Variants in SAMD5 observed in about 807,000 individuals in gnomAD.
SAMD5 encodes the protein sterile alpha motif domain-containing protein 5.
In SAMD5, 13 loss-of-function variants were observed where a neutral mutation model predicts 11.3. The observed-to-expected ratio is 1.15, with a 90% CI of 0.75 to 1.83. SAMD5 has a LOEUF of 1.83. Among genes scored for constraint, SAMD5 ranks in the 40% most tolerant of loss-of-function variants. SAMD5 has a pLI of 0.00. For missense variants in SAMD5, 255 were observed against 239.1 expected (o/e 1.07, Z -0.44); for synonymous variants, 129 against 111.3 (o/e 1.16, Z -1.00).
At chr6:147,954,583 C>A in the SAMD5 span, among the ~76,000 whole-genome samples, 4 of 152,046 alleles carry the variant, frequency 2.6e-5, no homozygotes, top group Admixed American at 1.3e-4. Context: ...AAAGTAACTT[C>A]CAGTCCTGCT....
At chr6:147,803,869 A>C in the SAMD5 span, among the ~76,000 whole-genome samples, 10 of 152,072 alleles carry the variant, frequency 6.6e-5, no homozygotes. Context: ...TCCACCCTCC[A>C]TCCACAGCCA....
intron 1 of SAMD5, among the ~76,000 whole-genome samples, chr6:147,527,310 TTGGTGGAAGGCAAAG>T (rs1788357925): frequency 6.6e-6 from 1 of 152,150 alleles, no homozygotes; most frequent in African/African-American, 2.4e-5. Flanking sequence ...GCTTTTACTC[TTGGTGGAAGGCAAAG>T]TGGTGATCCA....
At chr6:147,849,553 C>G in the SAMD5 span, among the ~76,000 whole-genome samples, 1 of 152,058 alleles carries the variant, frequency 6.6e-6, no homozygotes. Flanking sequence ...TACTAAAGTG[C>G]TTAATGGACG....
chr6:147,509,211 C>T lies in SAMD5; in HGVS notation c.283C>T (p.Arg95Trp), dbSNP rs1788043099. The change falls in exon 1 of 2, where the codon CGG becomes TGG. Residue 95 changes from arginine to tryptophan, a missense_variant. Transcript: ENST00000367474. Reference protein sequence around the residue: ...PPADAVPTGRRGEPCGGPAQG... With the variant: ...PPADAVPTGRWGEPCGGPAQG... The stretch of plus-strand genomic sequence containing the variant: ...CGCCGACGCCGTCCCCACCGGCCGC[C>T]GGGGGGAGCCGTGCGGCGGCCCGGC... 1.5e-6 allele frequency: 2 copies of T among 1,305,174 alleles called. No homozygotes were observed. The highest frequency in any genetic ancestry group is 1.9e-6 in the Non-Finnish European group (2 of 1,026,970). The allele number at this position is 1,305,174 out of a possible 1,614,324, so 80.8% of individuals were successfully genotyped here. A position where few individuals can be genotyped will look rare whatever the true frequency, so the allele number is the denominator to read the frequency against.
chr6:147,804,337 C>A, the SAMD5 span, among the ~76,000 whole-genome samples: 2 of 151,952 alleles, frequency 1.3e-5, no homozygotes. Flanking sequence ...GTCTCGATCT[C>A]CTGACCTTGT....
At chr6:147,765,034 C>T in the SAMD5 span, among the ~76,000 whole-genome samples, 1 of 152,144 alleles carries the variant, frequency 6.6e-6, no homozygotes, top group Non-Finnish European at 1.5e-5. Context: ...AGATTCTTTG[C>T]CCAAGCTTGT....
chr6:147,593,476 T>C (rs2128447415), intron 1 of SAMD5, among the ~76,000 whole-genome samples: 1 of 152,302 alleles, frequency 6.6e-6, no homozygotes, highest in Middle Eastern at 3.4e-3. Context: ...AGAAGTGCCA[T>C]AAAATGTTTG....
At chr6:147,928,979 T>G in the SAMD5 span, among the ~76,000 whole-genome samples, 83 of 86,882 alleles carry the variant, frequency 9.6e-4, no homozygotes, top group African/African-American at 4.8e-3. Flanking sequence ...GTTTTGAGTG[T>G]TTTTTTTTTA....
chr6:147,567,179 G>A lies in SAMD5; in HGVS notation c.*2723G>A, dbSNP rs1186916872. 1.0e-6 allele frequency: 1 copy of A among 985,162 alleles called. No individual in the cohort carries two copies. 61.0% of individuals were successfully genotyped at this position (985,162 alleles called of 1,614,324 possible). A position where few individuals can be genotyped will look rare whatever the true frequency, so the allele number is the denominator to read the frequency against. On this transcript the variant is annotated 3_prime_UTR_variant, in exon 2 of 2. Transcript: ENST00000367474. ...TTCACATAAAAGATTTCTTGGCATAGGGAAGGCGTAATGTTAAGGGCTTCT... is the reference window on the plus strand; with the variant it reads ...TTCACATAAAAGATTTCTTGGCATAAGGAAGGCGTAATGTTAAGGGCTTCT...
At chr6:147,718,891 A>G (rs1791505168) in intron 1 of SAMD5, among the ~76,000 whole-genome samples, 2 of 152,102 alleles carry the variant, frequency 1.3e-5, no homozygotes, top group Admixed American at 1.3e-4. Context: ...GGGTTTCACC[A>G]TGTTGGTCAG....
chr6:147,740,760 A>G (rs1791869164), downstream of SAMD5, among the ~76,000 whole-genome samples: 1 of 152,272 alleles, frequency 6.6e-6, no homozygotes, highest in South Asian at 2.1e-4. Context: ...ATAGAAATAT[A>G]TAAATAAGTA....
chr6:147,509,117 G>A lies in SAMD5; in HGVS notation c.189G>A (p.Arg63=). ...TCCTGGAGGCCGTGCGCCGGCTGCG[G>A]GAGCAGGACGCCAACGCCGCCGGCC... ...RRILEAVRRL[R]EQDANAAGLY... is the part of the protein sequence containing the mutation. The change falls in exon 1 of 2, where the codon CGG becomes CGA. Residue 63 remains arginine, a synonymous_variant. Transcript: ENST00000367474. 1 of 1,578,718 alleles carries A rather than the reference G, an allele frequency of 6.3e-7. No individual in the cohort carries two copies. The highest frequency in any genetic ancestry group is 1.1e-5 in the South Asian group (1 of 87,404).
At chr6:147,710,838 A>G (rs1257500046) in intron 1 of SAMD5, among the ~76,000 whole-genome samples, 1 of 152,020 alleles carries the variant, frequency 6.6e-6, no homozygotes, top group Non-Finnish European at 1.5e-5. Flanking sequence ...AAGGGGGACT[A>G]CTATACTTGT....
intron 1 of SAMD5, among the ~76,000 whole-genome samples, chr6:147,627,018 C>T (rs10457813): frequency 0.022 from 3,366 of 152,178 alleles, 73 homozygotes; most frequent in Non-Finnish European, 0.033. Flanking sequence ...GGAAACCCAT[C>T]CCTTTGCTAA....
chr6:147,945,129 C>G, the SAMD5 span, among the ~76,000 whole-genome samples: 3 of 152,198 alleles, frequency 2.0e-5, no homozygotes, highest in African/African-American at 4.8e-5. Context: ...TGCCTATTCT[C>G]CATTTCTAGA....
At chr6:147,705,097 G>A (rs1019297494) in intron 1 of SAMD5, among the ~76,000 whole-genome samples, 1 of 152,210 alleles carries the variant, frequency 6.6e-6, no homozygotes, top group African/African-American at 2.4e-5. Flanking sequence ...GGCGAACCTT[G>A]TAAGACAGTA....
the SAMD5 span, among the ~76,000 whole-genome samples, chr6:147,778,977 C>T: frequency 7.5e-5 from 9 of 120,034 alleles, no homozygotes; most frequent in African/African-American, 1.7e-4. Context: ...GGATTTTTTT[C>T]GGGGAAAATG....
At chr6:147,622,857 G>T (rs1401642301) in intron 1 of SAMD5, among the ~76,000 whole-genome samples, 3 of 152,178 alleles carry the variant, frequency 2.0e-5, no homozygotes, top group Non-Finnish European at 2.9e-5. Flanking sequence ...AATCATGGCG[G>T]AAGGTGAAAG....
chr6:147,657,256 A>G (rs1040921802), intron 1 of SAMD5, among the ~76,000 whole-genome samples: 1 of 152,166 alleles, frequency 6.6e-6, no homozygotes, highest in African/African-American at 2.4e-5. Flanking sequence ...CACATTTGGG[A>G]CAACTGATAA....
Sources: allele counts gnomAD v4.1 joint callset (sites outside exome capture counted in the v4.1 genomes callset), GRCh38; gene constraint gnomAD v4.1.1; transcripts MANE v1.5; gene names NCBI Gene and HGNC (gene_info 2026-07-23, HGNC 2026-07-21).